Variants in ERBB4 observed in about 807,000 individuals in gnomAD.
ERBB4 encodes erb-b2 receptor tyrosine kinase 4.
ERBB4 carries 42 observed loss-of-function variants against 158.0 expected under a neutral mutation model. That is an observed-to-expected ratio of 0.27 (90% CI 0.21 to 0.34). The LOEUF is 0.34. ERBB4 is among the 10% of genes least tolerant of loss of function. The probability of loss-of-function intolerance (pLI) is 1.00; values close to 1 mark genes in which losing one functional copy is unlikely to be tolerated. For synonymous variants in ERBB4, 583 were observed against 558.7 expected (o/e 1.04, Z -0.61); for missense variants, 1,333 against 1,624.1 (o/e 0.82, Z 3.08).
At chr2:212,184,975 G>A (rs906862282) in intron 1 of ERBB4, among the ~76,000 whole-genome samples, 2 of 150,798 alleles carry the variant, frequency 1.3e-5, no homozygotes, top group South Asian at 2.1e-4. Context: ...TACACACCAC[G>A]CATATGAACA....
chr2:211,757,400 G>A (rs547721448), intron 4 of ERBB4, among the ~76,000 whole-genome samples: 10 of 152,184 alleles, frequency 6.6e-5, no homozygotes, highest in Admixed American at 2.0e-4. Context: ...ATTACATCAG[G>A]AGTTATGAGG....
At chr2:212,070,691 T>A (rs535326079) in intron 2 of ERBB4, among the ~76,000 whole-genome samples, 1 of 150,992 alleles carries the variant, frequency 6.6e-6, no homozygotes, top group African/African-American at 2.4e-5. Flanking sequence ...GAAAATTAAC[T>A]CCAAGTGGAT....
At chr2:211,521,826 C>T (rs911070796) in intron 20 of ERBB4, among the ~76,000 whole-genome samples, 4 of 152,176 alleles carry the variant, frequency 2.6e-5, no homozygotes, top group Admixed American at 6.5e-5. Flanking sequence ...GCTCTATAAA[C>T]GAAACAACAA....
intron 20 of ERBB4, among the ~76,000 whole-genome samples, chr2:211,549,520 G>A (rs1337779567): frequency 6.6e-6 from 1 of 152,042 alleles, no homozygotes; most frequent in African/African-American, 2.4e-5. Context: ...TGAGTCAAGG[G>A]TATATAGGAC....
chr2:211,730,714 G>A (rs575633169), intron 5 of ERBB4, among the ~76,000 whole-genome samples: 1 of 152,138 alleles, frequency 6.6e-6, no homozygotes, highest in East Asian at 1.9e-4. Flanking sequence ...CCCATATTGA[G>A]TAGCAGAATA....
At chr2:211,603,495 T>C (rs761292166) in intron 19 of ERBB4, among the ~76,000 whole-genome samples, 3 of 152,092 alleles carry the variant, frequency 2.0e-5, no homozygotes, top group Non-Finnish European at 4.4e-5. Flanking sequence ...AGAAAAAATA[T>C]ATACATAAGA....
At chr2:212,525,049 T>C (rs1692375989) in intron 1 of ERBB4, among the ~76,000 whole-genome samples, 1 of 151,962 alleles carries the variant, frequency 6.6e-6, no homozygotes, top group Non-Finnish European at 1.5e-5. Flanking sequence ...AAACAGCATT[T>C]CAATGTTTTA....
chr2:212,432,994 C>T (rs774238420), intron 1 of ERBB4, among the ~76,000 whole-genome samples: 15 of 151,978 alleles, frequency 9.9e-5, no homozygotes, highest in Non-Finnish European at 1.3e-4. Flanking sequence ...GTATCTAGTG[C>T]TTACATTTGT....
At chr2:211,610,844 A>G (rs2069166471) in intron 19 of ERBB4, among the ~76,000 whole-genome samples, 1 of 152,158 alleles carries the variant, frequency 6.6e-6, no homozygotes, top group South Asian at 2.1e-4. Context: ...ACACAAATTC[A>G]AGAAATGCTT....
At chr2:211,540,708 A>G (rs769195970) in intron 20 of ERBB4, among the ~76,000 whole-genome samples, 6 of 149,010 alleles carry the variant, frequency 4.0e-5, no homozygotes, top group Non-Finnish European at 5.9e-5. Context: ...CTGAGTTTTA[A>G]ATCCTGAATA....
intron 1 of ERBB4, among the ~76,000 whole-genome samples, chr2:212,384,844 T>C (rs1467131569): frequency 6.8e-6 from 1 of 147,438 alleles, no homozygotes; most frequent in Non-Finnish European, 1.5e-5. Flanking sequence ...ATGTTGTAAA[T>C]GCAAAGGAAG....
At position 211,562,804 on chromosome 2, in the gene ERBB4, C is replaced by T. The variant is rs552786646; in HGVS notation, c.2302-716G>A. Among the ~76,000 whole-genome samples, 6 of 121,174 alleles carry T rather than the reference C, an allele frequency of 5.0e-5. No homozygotes were observed. The South Asian group carries it at 1.4e-3, about 29-fold the overall frequency. The allele number at this position is 121,174 out of a possible 152,430, so 79.5% of individuals were successfully genotyped here. On this transcript the variant is annotated intron_variant, in intron 19 of 27. Coordinates refer to ENST00000342788, the MANE Select transcript of ERBB4 (RefSeq NM_005235.3). ...TTTTTTTTTTTGAGACGGAGTCTCG[C>T]TCTGTCGCCCAGGCTGGAGTGCAGT... is the stretch of plus-strand genomic sequence containing the variant.
intron 1 of ERBB4, among the ~76,000 whole-genome samples, chr2:212,442,280 C>T (rs1190434071): frequency 6.6e-6 from 1 of 150,472 alleles, no homozygotes; most frequent in African/African-American, 2.4e-5. Context: ...GGAATCATGG[C>T]CCCTCAACAA....
In ERBB4 at chr2:211,420,631, T is replaced by C. The variant is rs1559150003; in HGVS notation, c.2965-20A>G. 6.2e-7 allele frequency: 1 copy of C among 1,603,132 alleles called. No individual in the cohort carries two copies. The highest frequency in any genetic ancestry group is 1.1e-5 in the South Asian group (1 of 90,822). Reference sequence around the variant, plus strand: ...ATCACCCTAAAAGAAAGATTGCCCATCAGACACAAATATGATTCTTTCTTA... The same window carrying C: ...ATCACCCTAAAAGAAAGATTGCCCACCAGACACAAATATGATTCTTTCTTA... On this transcript the variant is annotated intron_variant, in intron 24 of 27. Transcript: ENST00000342788.
chr2:212,240,701 A>G (rs1332239001), intron 1 of ERBB4, among the ~76,000 whole-genome samples: 1 of 151,304 alleles, frequency 6.6e-6, no homozygotes, highest in African/African-American at 2.4e-5. Flanking sequence ...GATAATTAAC[A>G]GAATCAACAG....
intron 3 of ERBB4, among the ~76,000 whole-genome samples, chr2:211,939,965 AAAT>A (rs201933839): frequency 2.6e-4 from 38 of 144,878 alleles, no homozygotes; most frequent in South Asian, 1.3e-3. Flanking sequence ...AGGAAAAAAA[AAAT>A]ATATATATAT....
At chr2:211,436,087 G>T (rs929430812) in intron 20 of ERBB4, among the ~76,000 whole-genome samples, 2 of 152,110 alleles carry the variant, frequency 1.3e-5, no homozygotes, top group African/African-American at 4.8e-5. Context: ...CTTCCAAAGT[G>T]TTGGGATTAC....
chr2:211,721,012 G>A (rs956766466), intron 7 of ERBB4, among the ~76,000 whole-genome samples: 1 of 152,154 alleles, frequency 6.6e-6, no homozygotes, highest in African/African-American at 2.4e-5. Context: ...GCCTGCACAC[G>A]TGCCATTTTA....
rs1553627780 is a variant in ERBB4, at chr2:212,374,021, C to CATATATATATATCCATATATATCCAT, written c.82+164402_82+164427dup. Among the ~76,000 whole-genome samples, 699 of 77,522 alleles carry CATATATATATATCCATATATATCCAT rather than the reference C, an allele frequency of 9.0e-3. 40 individuals carry two copies. Among genetic ancestry groups the CATATATATATATCCATATATATCCAT allele is most frequent in the East Asian group, 0.031 (116 of 3,710 alleles). The allele number at this position is 77,522 out of a possible 152,430, so 50.9% of individuals were successfully genotyped here. On this transcript the variant is annotated intron_variant, in intron 1 of 27. Coordinates refer to ENST00000342788, the MANE Select transcript of ERBB4 (RefSeq NM_005235.3). ...CCATATATATATATCCATATATATC[C>CATATATATATATCCATATATATCCAT]ATATATATATATCCATATATATCCA...
Sources: gnomAD v4.1 joint callset for allele counts (sites outside exome capture counted in the v4.1 genomes callset) on GRCh38, gnomAD v4.1.1 for gene constraint, MANE v1.5 for transcripts, NCBI Gene and HGNC (gene_info 2026-07-23, HGNC 2026-07-21) for gene names.